LRRC28: variants seen among roughly 807,000 people sequenced by gnomAD.
LRRC28 encodes the protein leucine-rich repeat-containing protein 28.
LRRC28 carries 39 observed loss-of-function variants against 45.7 expected under a neutral mutation model. That is an observed-to-expected ratio of 0.85 (90% CI 0.66 to 1.12). The LOEUF (loss-of-function observed/expected upper bound fraction) is 1.12. Among genes scored for constraint, LRRC28 ranks in the 50% most tolerant of loss-of-function variants. The pLI, the probability that LRRC28 is intolerant of heterozygous loss-of-function variation, is 0.00. For missense variants in LRRC28, 435 were observed against 438.5 expected (o/e 0.99, Z 0.07); for synonymous variants, 206 against 178.8 (o/e 1.15, Z -1.22).
chr15:99,324,184 G>A (rs1028519114), intron 5 of LRRC28, among the ~76,000 whole-genome samples: 4 of 152,144 alleles, frequency 2.6e-5, no homozygotes, highest in African/African-American at 9.7e-5. Context: ...ACTAATGGGC[G>A]AGGAGGGTAG....
At chr15:99,367,736 C>T (rs1475240744) in intron 9 of LRRC28, among the ~76,000 whole-genome samples, 1 of 152,246 alleles carries the variant, frequency 6.6e-6, no homozygotes, top group South Asian at 2.1e-4. Context: ...ATTTTCATGC[C>T]TTCTCTGGGC....
At chr15:99,342,545 C>T (rs543700918) in intron 6 of LRRC28, among the ~76,000 whole-genome samples, 4 of 152,256 alleles carry the variant, frequency 2.6e-5, no homozygotes, top group South Asian at 2.1e-4. Flanking sequence ...TTACAAATAC[C>T]ACATAAGTAT....
At chr15:99,358,827 C>T (rs1957119385) in intron 7 of LRRC28, among the ~76,000 whole-genome samples, 1 of 152,094 alleles carries the variant, frequency 6.6e-6, no homozygotes. Context: ...CCTGTAATCC[C>T]AGCACTTTGG....
chr15:99,290,297 G>C (rs1390335013), intron 5 of LRRC28, among the ~76,000 whole-genome samples: 9 of 151,582 alleles, frequency 5.9e-5, no homozygotes, highest in African/African-American at 2.2e-4. Flanking sequence ...GCACCAGTCA[G>C]CAGTGACTGT....
chr15:99,261,451 A>G (rs1172541930), intron 2 of LRRC28, among the ~76,000 whole-genome samples: 1 of 152,116 alleles, frequency 6.6e-6, no homozygotes, highest in Non-Finnish European at 1.5e-5. Context: ...GGGTACTAGC[A>G]GATTCGGTGT....
chr15:99,349,725 A>C (rs1338479439), intron 6 of LRRC28, among the ~76,000 whole-genome samples: 1 of 152,258 alleles, frequency 6.6e-6, no homozygotes, highest in African/African-American at 2.4e-5. Context: ...ACTCTTAAAA[A>C]ACAAGGGATG....
At chr15:99,382,265 CA>C (rs1330826036) in intron 9 of LRRC28, among the ~76,000 whole-genome samples, 1 of 152,208 alleles carries the variant, frequency 6.6e-6, no homozygotes, top group Non-Finnish European at 1.5e-5. Flanking sequence ...TGCCACCTTG[CA>C]GATGGATCTC....
intron 2 of LRRC28, chr15:99,259,245 C>A: frequency 9.5e-7 from 1 of 1,050,286 alleles, no homozygotes; most frequent in Non-Finnish European, 1.5e-6. Context: ...ATGGCTGGGT[C>A]CAGCAGAAAA....
chr15:99,297,441 T>G (rs2082294843), intron 5 of LRRC28: 1 of 149,748 alleles, frequency 6.7e-6, no homozygotes, highest in Non-Finnish European at 1.5e-5. Flanking sequence ...TTTTTTTTTT[T>G]TTGGTAGAGG....
chr15:99,320,255 A>AT (rs1239847823), intron 5 of LRRC28, among the ~76,000 whole-genome samples: 1 of 152,068 alleles, frequency 6.6e-6, no homozygotes, highest in Non-Finnish European at 1.5e-5. Context: ...TAATTAATAG[A>AT]TTTTCTCCGT....
chr15:99,255,226 G>T (rs2080980707), intron 1 of LRRC28, among the ~76,000 whole-genome samples: 1 of 151,566 alleles, frequency 6.6e-6, no homozygotes, highest in Admixed American at 6.6e-5. Context: ...GAGTGTGGTG[G>T]TGCTCTCTAT....
At position 99,283,279 on chromosome 15, in the gene LRRC28, G is replaced by A. The variant is rs114113726; in HGVS notation, c.210-3978G>A. The stretch of plus-strand genomic sequence containing the variant: ...TAAACATAGTATGGGTCATACTGGT[G>A]TACCCCTTACCCAGTTTGTCCTGTT... On this transcript the variant is annotated intron_variant, in intron 3 of 9. Coordinates refer to ENST00000301981, the MANE Select transcript of LRRC28 (RefSeq NM_144598.5). 7.0e-3 allele frequency among the ~76,000 whole-genome samples: 1,061 copies of A among 151,820 alleles called. 16 individuals carry two copies. The highest frequency in any genetic ancestry group is 0.024 in the African/African-American group (999 of 41,366).
intron 6 of LRRC28, among the ~76,000 whole-genome samples, chr15:99,334,871 A>G (rs1249285180): frequency 1.3e-5 from 2 of 152,232 alleles, no homozygotes; most frequent in Admixed American, 1.3e-4. Context: ...TTTATAATTT[A>G]TCTCTGAGGG....
intron 3 of LRRC28, among the ~76,000 whole-genome samples, chr15:99,286,406 C>G (rs1030086207): frequency 6.6e-6 from 1 of 152,214 alleles, no homozygotes; most frequent in Non-Finnish European, 1.5e-5. Flanking sequence ...GCTGGGATTA[C>G]AGGCGTGAGC....
intron 5 of LRRC28, among the ~76,000 whole-genome samples, chr15:99,297,040 G>A (rs1186872703): frequency 6.6e-6 from 1 of 152,004 alleles, no homozygotes; most frequent in Non-Finnish European, 1.5e-5. Flanking sequence ...AATTAGCCGG[G>A]TGTGGTGGTG....
intron 9 of LRRC28, among the ~76,000 whole-genome samples, chr15:99,376,560 G>A (rs1209749831): frequency 6.6e-6 from 1 of 152,042 alleles, no homozygotes; most frequent in Non-Finnish European, 1.5e-5. Context: ...TATACTGTAA[G>A]TTCTAGGGTA....
chr15:99,278,178 G>T (rs1023938119), intron 3 of LRRC28, among the ~76,000 whole-genome samples: 10 of 152,028 alleles, frequency 6.6e-5, no homozygotes, highest in African/African-American at 2.4e-5. Context: ...TAGTCTTATT[G>T]CATTGGCTCG....
intron 6 of LRRC28, among the ~76,000 whole-genome samples, chr15:99,343,276 A>G (rs1200224266): frequency 6.6e-6 from 1 of 152,236 alleles, no homozygotes; most frequent in Non-Finnish European, 1.5e-5. Context: ...TGAATTTCAT[A>G]CTGGTCAGCA....
At chr15:99,372,636 C>G (rs1458404689) in intron 9 of LRRC28, among the ~76,000 whole-genome samples, 2 of 152,060 alleles carry the variant, frequency 1.3e-5, no homozygotes, top group Non-Finnish European at 2.9e-5. Context: ...AATATGAAAC[C>G]TCCAGGTTAC....
Sources: allele counts gnomAD v4.1 joint callset (sites outside exome capture counted in the v4.1 genomes callset), GRCh38; gene constraint gnomAD v4.1.1; transcripts MANE v1.5; gene names NCBI Gene and HGNC (gene_info 2026-07-23, HGNC 2026-07-21).